Variants in CACNA1B observed in about 807,000 individuals in gnomAD.
The protein encoded by CACNA1B is voltage-dependent N-type calcium channel subunit alpha-1B.
A neutral mutation model predicts 247.2 loss-of-function variants in CACNA1B; 70 were observed. The ratio of observed to expected loss-of-function variants is 0.28; its 90% confidence interval spans 0.23 to 0.35. The LOEUF (loss-of-function observed/expected upper bound fraction) is 0.35, where lower values mean the gene tolerates loss of function less well. Among genes scored for constraint, CACNA1B ranks in the 10% least tolerant of loss-of-function variants. The pLI is 1.00. For synonymous variants in CACNA1B, 1,231 were observed against 1,294.4 expected, an observed-to-expected ratio of 0.95 and a Z score of 1.05; for missense variants, 2,367 against 3,197.4, an observed-to-expected ratio of 0.74 and a Z score of 6.26.
At chr9:138,087,404 GAAAA>G (rs1960730570) in intron 36 of CACNA1B, among the ~76,000 whole-genome samples, 4 of 114,320 alleles carry the variant, frequency 3.5e-5, no homozygotes, top group Admixed American at 2.5e-4. Context: ...AAAAAAAAAA[GAAAA>G]AGAAAAAAAA....
intron 18 of CACNA1B, among the ~76,000 whole-genome samples, chr9:138,022,184 C>G (rs1958853413): frequency 6.6e-6 from 1 of 152,172 alleles, no homozygotes; most frequent in South Asian, 2.1e-4. Context: ...CTGGAGGGCT[C>G]CGAGGACCAT....
At chr9:137,956,932 T>C (rs1957956258) in intron 9 of CACNA1B, 105 bp downstream of exon 9, 2 of 910,140 alleles carry the variant, frequency 2.2e-6, no homozygotes, top group African/African-American at 3.3e-5. Context: ...CTCTTGGCAG[T>C]GCCAGGCACC....
In CACNA1B at chr9:137,986,459, A is replaced by G. The variant is rs1226725378; in HGVS notation, c.1816A>G (p.Met606Val). The stretch of plus-strand genomic sequence containing the variant: ...CCTGGTGGTGTCCCTGCTGAACTCC[A>G]TGAAGTCCATCATCAGCCTGCTCTT... ...RNLVVSLLNS[M>V]KSIISLLFLL... is the part of the protein sequence containing the mutation. The change falls in exon 14 of 47, where the codon ATG (methionine) becomes GTG (valine). Residue 606 changes from methionine to valine, a missense_variant. By Grantham distance (21) the Met-to-Val change is conservative. Around this residue, in one of 12 missense-constraint regions of CACNA1B, gnomAD observed 76 missense variants for 191.0 expected, o/e 0.40. Transcript: ENST00000371372. The surrounding 1 kb of genome is among the most constrained non-coding windows in gnomAD (Gnocchi z 6.0). 7 of 1,613,848 alleles carry G rather than the reference A, an allele frequency of 4.3e-6. No individual in the cohort carries two copies. Among genetic ancestry groups the G allele is most frequent in the Non-Finnish European group, 5.1e-6 (6 of 1,179,824 alleles).
intron 20 of CACNA1B, among the ~76,000 whole-genome samples, chr9:138,032,082 T>C (rs989958100): frequency 6.6e-6 from 1 of 152,144 alleles, no homozygotes; most frequent in Non-Finnish European, 1.5e-5. Flanking sequence ...GGTTTCCTTT[T>C]TCTCCCTTCC....
chr9:137,975,886 C>A, intron 11 of CACNA1B, 21 bp from the exon 12 acceptor site: 1 of 1,487,186 alleles, frequency 6.7e-7, no homozygotes, highest in Admixed American at 1.7e-5. Flanking sequence ...GCTAATCCCC[C>A]TCTTCTCCGG....
chr9:138,007,130 G>A lies in CACNA1B; in HGVS notation c.2092+246G>A, dbSNP rs965554188. Among the ~76,000 whole-genome samples the A allele has an allele frequency of 2.6e-5, 4 of 152,270 alleles. No individual in the cohort carries two copies. Among genetic ancestry groups the A allele is most frequent in the Middle Eastern group, 3.4e-3 (1 of 294 alleles). On this transcript the variant is annotated intron_variant, in intron 16 of 46. Transcript: ENST00000371372. This position sits in a 1 kb window ranked among gnomAD's most constrained non-coding sequence, Gnocchi z 4.1. ...GGTATCCAGAGGTGGGGGTGGGTGC[G>A]GCCAGCAGCAGGCCCAGGACAGACT...
Position 137,952,437 on chromosome 9 carries a change from C to A in CACNA1B, c.1070+60C>A. 7.2e-7 allele frequency: 1 copy of A among 1,391,178 alleles called. No homozygotes were observed. The highest frequency in any genetic ancestry group is 1.0e-6 in the Non-Finnish European group (1 of 979,134). 86.2% of individuals were successfully genotyped at this position (1,391,178 alleles called of 1,614,324 possible). The stretch of plus-strand genomic sequence containing the variant: ...TCTGTGTTCTCAGCTGAGGGGTCAA[C>A]AGGGGCACGTGTGACACTTGGGGTG... On this transcript the variant is annotated intron_variant, in intron 7 of 46. Coordinates refer to ENST00000371372, the MANE Select transcript of CACNA1B (RefSeq NM_000718.4). The surrounding 1 kb of genome is among the most constrained non-coding windows in gnomAD (Gnocchi z 4.8).
chr9:138,068,725 G>A, intron 31 of CACNA1B: 1 of 473,958 alleles, frequency 2.1e-6, no homozygotes, highest in Non-Finnish European at 4.2e-6. Context: ...TTCCAAGAGG[G>A]GCGGGAACTG....
intron 20 of CACNA1B, among the ~76,000 whole-genome samples, chr9:138,035,795 G>T (rs1003937359): frequency 6.6e-6 from 1 of 152,076 alleles, no homozygotes; most frequent in Admixed American, 6.5e-5. Flanking sequence ...CAATTTATTA[G>T]TTGGATACTC....
rs1564284263 is a variant in CACNA1B at position 138,096,518 on chromosome 9, A to G, written c.5129A>G (p.Asn1710Ser). ...CTCTTTGTGGCTGTGATCATGGACA[A>G]TTTTGAGTACCTCACGCGGGACTCT... ...LNLFVAVIMD[N>S]FEYLTRDSSI... The change falls in exon 37 of 47, where the codon AAT (asparagine) becomes AGT (serine). Residue 1710 changes from asparagine (N) to serine (S), a missense_variant. By Grantham distance (46) the Asn-to-Ser change is conservative. Transcript: ENST00000371372. The G allele has an allele frequency of 6.8e-6, 11 of 1,612,930 alleles. No homozygotes were observed. Among genetic ancestry groups the G allele is most frequent in the Non-Finnish European group, 9.3e-6 (11 of 1,179,246 alleles).
chr9:137,897,072 G>GT (rs1013615869), intron 3 of CACNA1B, among the ~76,000 whole-genome samples: 29 of 151,814 alleles, frequency 1.9e-4, no homozygotes, highest in African/African-American at 6.8e-4. Context: ...AATTATGTCA[G>GT]TTTTTTTTCC....
Position 138,023,011 on chromosome 9 carries a change from C to T in CACNA1B, c.2268C>T (p.Ala756=). 1 of 1,502,858 alleles carries T rather than the reference C, an allele frequency of 6.7e-7. No homozygotes were observed. Among genetic ancestry groups the T allele is most frequent in the Non-Finnish European group, 8.8e-7 (1 of 1,133,266 alleles). 93.1% of individuals were successfully genotyped at this position (1,502,858 alleles called of 1,614,324 possible). ...PMSAANISIA[A]RQQNSAKARS... is the part of the protein sequence containing the mutation. Reference sequence around the variant, plus strand: ...GCGCTCACCGCCAGTCTCCCCGCAGCAGGCAGCAGAACTCGGCCAAGGCGC... The same window carrying T: ...GCGCTCACCGCCAGTCTCCCCGCAGTAGGCAGCAGAACTCGGCCAAGGCGC... Residue 756 remains alanine (A), a splice_region_variant and synonymous_variant, in exon 19 of 47, where the codon GCC becomes GCT. Transcript: ENST00000371372.
chr9:138,049,168 T>C lies in CACNA1B; in HGVS notation c.3604-41T>C, dbSNP rs768706124. ...CTGCACCTGGCCTCTGCCTGTCTTTTCTGGACTATGACGTATCTAACGTGT... is the reference window on the plus strand; with the variant it reads ...CTGCACCTGGCCTCTGCCTGTCTTTCCTGGACTATGACGTATCTAACGTGT... On this transcript the variant is annotated intron_variant, in intron 23 of 46. Transcript: ENST00000371372. The C allele has an allele frequency of 2.2e-6, 3 of 1,345,320 alleles. No homozygotes were observed. The East Asian group carries it at 6.9e-5, about 31-fold the overall frequency. 83.3% of individuals were successfully genotyped at this position (1,345,320 alleles called of 1,614,324 possible). A position where few individuals can be genotyped will look rare whatever the true frequency, so the allele number is the denominator to read the frequency against.
chr9:138,103,943 G>T (rs907237160), intron 38 of CACNA1B, among the ~76,000 whole-genome samples: 2 of 152,220 alleles, frequency 1.3e-5, no homozygotes, highest in Non-Finnish European at 2.9e-5. Context: ...CCCCTGCATT[G>T]TGCCTGCCTG....
chr9:137,989,463 T>C (rs943914922), intron 15 of CACNA1B, among the ~76,000 whole-genome samples: 3 of 152,196 alleles, frequency 2.0e-5, no homozygotes, highest in Non-Finnish European at 4.4e-5. Context: ...GAGTGAGTCC[T>C]GGAGAACATG....
chr9:138,008,026 GGCTGCA>G (rs1958675863), intron 16 of CACNA1B, among the ~76,000 whole-genome samples: 1 of 152,194 alleles, frequency 6.6e-6, no homozygotes, highest in Non-Finnish European at 1.5e-5. Context: ...GTGGTCCTTA[GGCTGCA>G]GCTCAGGGCC....
chr9:138,015,367 G>A (rs954798491), intron 18 of CACNA1B, among the ~76,000 whole-genome samples: 2 of 152,194 alleles, frequency 1.3e-5, no homozygotes, highest in Non-Finnish European at 2.9e-5. Context: ...CCTGCACCTG[G>A]CGAGGCCTGG....
At chr9:138,120,422 CAG>C (rs1405444897) in intron 45 of CACNA1B, 50 bp downstream of exon 45, 38 of 1,498,632 alleles carry the variant, frequency 2.5e-5, no homozygotes, top group African/African-American at 9.7e-5. Context: ...TGGCCCGAGT[CAG>C]GGGGTCCAAG....
At chr9:138,002,548 A>G (rs894101751) in intron 15 of CACNA1B, among the ~76,000 whole-genome samples, 3 of 147,984 alleles carry the variant, frequency 2.0e-5, no homozygotes, top group Non-Finnish European at 4.5e-5. Flanking sequence ...CATATCCAAA[A>G]AAAAAAAAAA....
Sources: allele counts gnomAD v4.1 joint callset (sites outside exome capture counted in the v4.1 genomes callset), GRCh38; gene constraint gnomAD v4.1.1; regional missense constraint gnomAD v4.1.1; non-coding constraint Gnocchi (gnomAD v3.1); transcripts MANE v1.5; gene names NCBI Gene and HGNC (gene_info 2026-07-23, HGNC 2026-07-21).